INPP5F: variants seen among roughly 807,000 people sequenced by gnomAD.
INPP5F encodes the protein inositol polyphosphate-5-phosphatase F.
In INPP5F, 97 loss-of-function variants were observed where a neutral mutation model predicts 137.2. The observed-to-expected ratio is 0.71, with a 90% CI of 0.60 to 0.84. The LOEUF is 0.84. INPP5F is among the 40% of genes least tolerant of loss of function. The pLI, the probability that INPP5F is intolerant of heterozygous loss-of-function variation, is 0.00. For missense variants in INPP5F, 1,271 were observed against 1,371.9 expected, an observed-to-expected ratio of 0.93 and a Z score of 1.16; for synonymous variants, 504 against 476.9, an observed-to-expected ratio of 1.06 and a Z score of -0.74.
intron 15 of INPP5F, among the ~76,000 whole-genome samples, chr10:119,813,856 T>C (rs939720756): frequency 6.6e-6 from 1 of 152,114 alleles, no homozygotes; most frequent in Non-Finnish European, 1.5e-5. Context: ...ATTGGGTGAT[T>C]AGAGTCTCAA....
At chr10:119,737,677 T>G (rs184315034) in intron 1 of INPP5F, among the ~76,000 whole-genome samples, 85 of 152,328 alleles carry the variant, frequency 5.6e-4, no homozygotes, top group African/African-American at 1.9e-3. Flanking sequence ...GTATCAAACT[T>G]TGCATTTATA....
intron 15 of INPP5F, among the ~76,000 whole-genome samples, chr10:119,815,027 G>A (rs1048544963): frequency 5.9e-5 from 9 of 152,060 alleles, no homozygotes; most frequent in Middle Eastern, 3.4e-3. Context: ...CACCACGCCC[G>A]GCTAATTTTT....
chr10:119,792,309 TTA>T lies in INPP5F; in HGVS notation c.669+100_669+101del, dbSNP rs1341588340. The T allele has an allele frequency of 5.0e-5, 43 of 853,038 alleles. No individual in the cohort carries two copies. The African/African-American group carries it at 7.1e-4, about 14-fold the overall frequency. The allele number at this position is 853,038 out of a possible 1,614,324, so 52.8% of individuals were successfully genotyped here. A position where few individuals can be genotyped will look rare whatever the true frequency, so the allele number is the denominator to read the frequency against. The stretch of plus-strand genomic sequence containing the variant: ...TAATTGTTAAGCAAATGTTTTTTAA[TTA>T]TATTAAGATACATTTTTAAAGATCA... On this transcript the variant is annotated intron_variant, in intron 6 of 19. Transcript: ENST00000650623.
intron 1 of INPP5F, among the ~76,000 whole-genome samples, chr10:119,749,562 CTG>C (rs1199207340): frequency 6.6e-6 from 1 of 152,138 alleles, no homozygotes; most frequent in Non-Finnish European, 1.5e-5. Flanking sequence ...GAAGGGGACA[CTG>C]TAACAGAAAG....
chr10:119,795,626 C>T (rs1192087570), intron 6 of INPP5F, among the ~76,000 whole-genome samples: 13 of 151,172 alleles, frequency 8.6e-5, no homozygotes, highest in African/African-American at 1.5e-4. Context: ...TCCTCACATC[C>T]CAGACGATGG....
intron 15 of INPP5F, among the ~76,000 whole-genome samples, chr10:119,814,171 C>T (rs1260280909): frequency 1.3e-5 from 2 of 152,188 alleles, no homozygotes; most frequent in South Asian, 4.2e-4. Context: ...GCGGGCAGAT[C>T]ACAAGGTCAG....
intron 2 of INPP5F, among the ~76,000 whole-genome samples, chr10:119,767,815 CAA>C (rs1849221279): frequency 6.6e-6 from 1 of 152,108 alleles, no homozygotes; most frequent in South Asian, 2.1e-4. Flanking sequence ...TCAAAAATAA[CAA>C]AATGTTCAAG....
chr10:119,817,997 G>A (rs1851349824), intron 15 of INPP5F, among the ~76,000 whole-genome samples: 1 of 152,250 alleles, frequency 6.6e-6, no homozygotes, highest in Admixed American at 6.5e-5. Flanking sequence ...CGCAGTCCCA[G>A]CAGGGAAGTA....
intron 18 of INPP5F, among the ~76,000 whole-genome samples, chr10:119,823,576 A>G (rs1851645140): frequency 8.4e-6 from 1 of 118,408 alleles, no homozygotes; most frequent in South Asian, 4.0e-4. Flanking sequence ...AACATGAACT[A>G]GAACAAACTT....
At chr10:119,744,767 C>A (rs512680) in intron 1 of INPP5F, among the ~76,000 whole-genome samples, 151,262 of 152,200 alleles carry the variant, frequency 0.99, 75,172 homozygotes, top group Middle Eastern at 1. Flanking sequence ...GCTGGTCTCA[C>A]ACCCCTGACC....
chr10:119,805,591 CT>C, intron 11 of INPP5F, 130 bp downstream of exon 11: 1 of 665,454 alleles, frequency 1.5e-6, no homozygotes, highest in Non-Finnish European at 2.6e-6. Context: ...AGTTCCTATT[CT>C]TTTCAAGAGA....
intron 6 of INPP5F, among the ~76,000 whole-genome samples, chr10:119,793,956 A>G (rs1011345811): frequency 3.9e-5 from 6 of 152,204 alleles, no homozygotes; most frequent in African/African-American, 1.4e-4. Context: ...AGAAGAAGAA[A>G]TCTTTAATCA....
intron 16 of INPP5F, 143 bp from the exon 17 acceptor site, chr10:119,822,288 G>A (rs1289265867): frequency 2.0e-6 from 1 of 490,446 alleles, no homozygotes; most frequent in East Asian, 3.3e-5. Flanking sequence ...GAGTTCTTAT[G>A]TTTAACATTT....
chr10:119,794,469 T>G (rs1431524910), intron 6 of INPP5F, among the ~76,000 whole-genome samples: 1 of 151,938 alleles, frequency 6.6e-6, no homozygotes, highest in East Asian at 1.9e-4. Flanking sequence ...TTTCCCCACC[T>G]TTCCCCCCTT....
At chr10:119,823,279 T>A in intron 18 of INPP5F, 80 bp downstream of exon 18, 1 of 1,375,392 alleles carries the variant, frequency 7.3e-7, no homozygotes, top group Non-Finnish European at 1.0e-6. Context: ...TGGGGACATT[T>A]CATATCATAA....
rs776438596 is a variant in INPP5F, at chr10:119,792,177, G to A, written c.633G>A (p.Trp211Ter). The A allele has an allele frequency of 1.2e-6, 2 of 1,613,796 alleles. No individual in the cohort carries two copies. Among genetic ancestry groups the A allele is most frequent in the Non-Finnish European group, 1.7e-6 (2 of 1,179,882 alleles). Residue 211 changes from tryptophan (W) to a stop codon, truncating the protein, a stop_gained, in exon 6 of 20, where the codon TGG becomes TGA. Coordinates refer to ENST00000650623, the MANE Select transcript of INPP5F (RefSeq NM_014937.4). LOFTEE classifies it high-confidence loss of function. ...LWQKVDDRFF[W>*]NKYMIQDLTE... Reference sequence around the variant, plus strand: ...TCTAGGTTGATGACCGATTTTTTTGGAATAAATACATGATACAAGATCTTA... The same window carrying A: ...TCTAGGTTGATGACCGATTTTTTTGAAATAAATACATGATACAAGATCTTA...
chr10:119,799,113 C>G (rs997594206), intron 9 of INPP5F, among the ~76,000 whole-genome samples: 1 of 152,088 alleles, frequency 6.6e-6, no homozygotes, highest in African/African-American at 2.4e-5. Context: ...CTCTGCTCAC[C>G]TTCATATTCA....
In INPP5F at chr10:119,748,057, A is replaced by G. The variant is rs927784318; in HGVS notation, c.98-3019A>G. Reference sequence around the variant, plus strand: ...GCTCGGCAAGCTGTGCTGGGCTTGCACTACCAGCCCGGATCCCATGCCTGC... The same window carrying G: ...GCTCGGCAAGCTGTGCTGGGCTTGCGCTACCAGCCCGGATCCCATGCCTGC... On this transcript the variant is annotated intron_variant, in intron 1 of 19. Coordinates refer to ENST00000650623, the MANE Select transcript of INPP5F (RefSeq NM_014937.4). This position sits in a 1 kb window ranked among gnomAD's most constrained non-coding sequence, Gnocchi z 4.7. Among the ~76,000 whole-genome samples, 3 of 152,114 alleles carry G rather than the reference A, an allele frequency of 2.0e-5. No individual in the cohort carries two copies. The highest frequency in any genetic ancestry group is 7.2e-5 in the African/African-American group (3 of 41,400).
intron 1 of INPP5F, among the ~76,000 whole-genome samples, chr10:119,732,622 T>C (rs1848114006): frequency 6.6e-6 from 1 of 150,564 alleles, no homozygotes; most frequent in Non-Finnish European, 1.5e-5. Context: ...TGCCTCAGCC[T>C]CCTGAGTAGC....
Sources: allele counts gnomAD v4.1 joint callset (sites outside exome capture counted in the v4.1 genomes callset), GRCh38; gene constraint gnomAD v4.1.1; non-coding constraint Gnocchi (gnomAD v3.1); transcripts MANE v1.5; gene names NCBI Gene and HGNC (gene_info 2026-07-23, HGNC 2026-07-21).